The following BIVM variants were observed in gnomAD, a reference collection of about 807,000 sequenced individuals.
BIVM encodes basic, immunoglobulin-like variable motif containing, also known as basic immunoglobulin-like variable motif-containing protein.
BIVM carries 31 observed loss-of-function variants against 61.4 expected under a neutral mutation model. The observed-to-expected ratio is 0.51, with a 90% CI of 0.38 to 0.68. The LOEUF is 0.68. BIVM is among the 30% of genes least tolerant of loss of function. The probability of loss-of-function intolerance (pLI) is 0.00; values close to 1 mark genes in which losing one functional copy is unlikely to be tolerated. For missense variants in BIVM, 526 were observed against 596.0 expected (o/e 0.88, Z 1.22); for synonymous variants, 189 against 210.7 (o/e 0.90, Z 0.89).
intron 8 of BIVM, among the ~76,000 whole-genome samples, chr13:102,832,044 C>G (rs1395071833): frequency 6.6e-6 from 1 of 151,962 alleles, no homozygotes; most frequent in Non-Finnish European, 1.5e-5. Context: ...GGAGGCTTGG[C>G]CATCTGCTTT....
At chr13:102,821,321 C>T (rs1880262151) in intron 5 of BIVM, among the ~76,000 whole-genome samples, 189 bp downstream of exon 5, 1 of 152,128 alleles carries the variant, frequency 6.6e-6, no homozygotes, top group African/African-American at 2.4e-5. Context: ...GGGCTGGGTA[C>T]AGTGGCCCAC....
intron 4 of BIVM, among the ~76,000 whole-genome samples, chr13:102,817,992 A>T (rs919819847): frequency 2.0e-5 from 3 of 152,202 alleles, no homozygotes; most frequent in African/African-American, 7.2e-5. Context: ...TGAGGGGACT[A>T]AACAGAAAAA....
intron 1 of BIVM, among the ~76,000 whole-genome samples, chr13:102,804,321 T>C (rs1208367292): frequency 6.6e-6 from 1 of 151,306 alleles, no homozygotes; most frequent in Non-Finnish European, 1.5e-5. Context: ...AATTTTTATC[T>C]TTTTTTTGAG....
chr13:102,831,460 C>A, intron 7 of BIVM, 105 bp from the exon 8 acceptor site: 1 of 1,505,690 alleles, frequency 6.6e-7, no homozygotes, highest in Non-Finnish European at 8.9e-7. Context: ...TCAGTGTATT[C>A]CAAGTAATGT....
Position 102,841,362 on chromosome 13 carries a change from A to G in BIVM, c.*1497A>G, listed in dbSNP as rs1427728618. 2 of 152,604 alleles carry G rather than the reference A, an allele frequency of 1.3e-5. No homozygotes were observed. Among genetic ancestry groups the G allele is most frequent in the Non-Finnish European group, 2.9e-5 (2 of 68,036 alleles). The allele number at this position is 152,604 out of a possible 1,614,324, so 9.5% of individuals were successfully genotyped here. A position where few individuals can be genotyped will look rare whatever the true frequency, so the allele number is the denominator to read the frequency against. On this transcript the variant is annotated 3_prime_UTR_variant, in exon 11 of 11. Transcript: ENST00000257336. Reference sequence around the variant, plus strand: ...TTTATATCCGTTTGTTCACTCGTACATGCCTAGCCTACAGAAGGGGATATA... The same window carrying G: ...TTTATATCCGTTTGTTCACTCGTACGTGCCTAGCCTACAGAAGGGGATATA...
At chr13:102,814,869 C>T (rs1879755903) in intron 3 of BIVM, among the ~76,000 whole-genome samples, 1 of 152,070 alleles carries the variant, frequency 6.6e-6, no homozygotes, top group South Asian at 2.1e-4. Context: ...CATAGTGAGA[C>T]CCTGACTTTG....
At chr13:102,837,016 G>A (rs904777725) in intron 9 of BIVM, among the ~76,000 whole-genome samples, 6 of 152,042 alleles carry the variant, frequency 3.9e-5, no homozygotes, top group Non-Finnish European at 5.9e-5. Flanking sequence ...GGCTGGGCGC[G>A]GTGGCTCATG....
In BIVM at chr13:102,841,355, C is replaced by T. The variant is rs1378261629; in HGVS notation, c.*1490C>T. On this transcript the variant is annotated 3_prime_UTR_variant, in exon 11 of 11. Coordinates refer to ENST00000257336, the MANE Select transcript of BIVM (RefSeq NM_017693.4). ...CTTGAATTTTATATCCGTTTGTTCA[C>T]TCGTACATGCCTAGCCTACAGAAGG... 3 of 152,520 alleles carry T rather than the reference C, an allele frequency of 2.0e-5. No homozygotes were observed. The highest frequency in any genetic ancestry group is 1.3e-4 in the Admixed American group (2 of 15,268). The allele number at this position is 152,520 out of a possible 1,614,324, so 9.4% of individuals were successfully genotyped here.
chr13:102,834,417 A>T (rs1194836915), intron 8 of BIVM, 49 bp from the exon 9 acceptor site: 2 of 1,530,736 alleles, frequency 1.3e-6, no homozygotes, highest in Non-Finnish European at 1.8e-6. Context: ...GAAGCAATAT[A>T]CTCAAGGGAG....
intron 2 of BIVM, among the ~76,000 whole-genome samples, chr13:102,806,259 T>C (rs1879072165): frequency 6.6e-6 from 1 of 152,214 alleles, no homozygotes; most frequent in Admixed American, 6.5e-5. Flanking sequence ...TGGCCATTTA[T>C]TTTTATTTTT....
chr13:102,817,063 T>C (rs1879915456), intron 4 of BIVM, among the ~76,000 whole-genome samples: 1 of 152,198 alleles, frequency 6.6e-6, no homozygotes, highest in South Asian at 2.1e-4. Flanking sequence ...CATCTGTTTG[T>C]TCAAAGTGGG....
At chr13:102,820,219 G>A (rs1036977992) in intron 4 of BIVM, among the ~76,000 whole-genome samples, 1 of 151,956 alleles carries the variant, frequency 6.6e-6, no homozygotes, top group Non-Finnish European at 1.5e-5. Flanking sequence ...GGTTGTGGTG[G>A]CGCACGCCTG....
In BIVM at chr13:102,799,200, G is replaced by C. The variant is rs1878579595; in HGVS notation, c.-528G>C. On this transcript the variant is annotated 5_prime_UTR_variant, in exon 1 of 11. Transcript: ENST00000257336. ...TATTTACTTCTCGGTCACCGCTTTCGGGGGACAGATAAACACCACAGATGC... is the reference window on the plus strand; with the variant it reads ...TATTTACTTCTCGGTCACCGCTTTCCGGGGACAGATAAACACCACAGATGC... The C allele has an allele frequency of 5.5e-6, 2 of 364,554 alleles. No individual in the cohort carries two copies. Among genetic ancestry groups the C allele is most frequent in the Non-Finnish European group, 9.7e-6 (2 of 205,284 alleles). 22.6% of individuals were successfully genotyped at this position (364,554 alleles called of 1,614,324 possible). A position where few individuals can be genotyped will look rare whatever the true frequency, so the allele number is the denominator to read the frequency against.
Position 102,807,165 on chromosome 13 carries a change from C to G in BIVM, c.-103C>G. ...TCTTAGGAGCTCATTTTGCAGCTCTCAAGCTTTTATAGCATGCTGTAAACA... is the reference window on the plus strand; with the variant it reads ...TCTTAGGAGCTCATTTTGCAGCTCTGAAGCTTTTATAGCATGCTGTAAACA... On this transcript the variant is annotated 5_prime_UTR_variant, in exon 3 of 11. Coordinates refer to ENST00000257336, the MANE Select transcript of BIVM (RefSeq NM_017693.4). This position sits in a 1 kb window ranked among gnomAD's most constrained non-coding sequence, Gnocchi z 4.0. 3.1e-6 allele frequency: 4 copies of G among 1,292,138 alleles called. No individual in the cohort carries two copies. Among genetic ancestry groups the G allele is most frequent in the Non-Finnish European group, 4.2e-6 (4 of 954,584 alleles). 80.0% of individuals were successfully genotyped at this position (1,292,138 alleles called of 1,614,324 possible).
rs1437143378 is a variant in BIVM, at chr13:102,839,779, G to A, written c.1426G>A (p.Asp476Asn). The change falls in exon 11 of 11, where the codon GAC becomes AAC. Residue 476 changes from aspartate to asparagine, a missense_variant. By Grantham distance (23) the Asp-to-Asn change is conservative (BLOSUM62 1). Transcript: ENST00000257336. ...GTCTTTCAGTGCTAGTTTCCATCAG[G>A]ACTCGGCATGGAAAAAGATGTCTAG... is the stretch of plus-strand genomic sequence containing the variant. ...GRSFSASFHQ[D>N]SAWKKMSSIH... 1 of 1,614,148 alleles carries A rather than the reference G, an allele frequency of 6.2e-7. No individual in the cohort carries two copies. The highest frequency in any genetic ancestry group is 2.2e-5 in the East Asian group (1 of 44,878).
At position 102,835,024 on chromosome 13, in the gene BIVM, G is replaced by A. The variant is rs113456341; in HGVS notation, c.1121+472G>A. 8.2e-3 allele frequency among the ~76,000 whole-genome samples: 1,242 copies of A among 152,188 alleles called. 18 individuals carry two copies. The highest frequency in any genetic ancestry group is 0.028 in the African/African-American group (1,149 of 41,516). On this transcript the variant is annotated intron_variant, in intron 9 of 10. Transcript: ENST00000257336. ...CAATGAAGCTCTTGGGAACATTCAT[G>A]TACAAGCCTTGAAACAAATTATATA...
chr13:102,835,095 C>A (rs892820553), intron 9 of BIVM, among the ~76,000 whole-genome samples: 1 of 151,974 alleles, frequency 6.6e-6, no homozygotes, highest in African/African-American at 2.4e-5. Flanking sequence ...GTTCACTGCA[C>A]CCACCATGCG....
rs557873000 is a variant in BIVM, at chr13:102,811,244, C to T, written c.478+3499C>T. Among the ~76,000 whole-genome samples, 11 of 152,306 alleles carry T rather than the reference C, an allele frequency of 7.2e-5. No homozygotes were observed. In the South Asian group the frequency reaches 2.1e-3, roughly 29 times the overall value. On this transcript the variant is annotated intron_variant, in intron 3 of 10. Coordinates refer to ENST00000257336, the MANE Select transcript of BIVM (RefSeq NM_017693.4). ...TTTCAACCAGCAGGAATCCTTTTAG[C>T]ATTCCTTACAGGGCAAGTCTAGTGG...
chr13:102,838,801 T>G lies in BIVM; in HGVS notation c.1218+62T>G. The stretch of plus-strand genomic sequence containing the variant: ...AGCTGACCAAAATGTGGTGTTTTAC[T>G]TAGCACTCTTTAGGTTGCAAGTAAC... On this transcript the variant is annotated intron_variant, in intron 10 of 10. Transcript: ENST00000257336. The G allele has an allele frequency of 4.8e-6, 7 of 1,457,940 alleles. No homozygotes were observed. In the South Asian group the frequency reaches 8.8e-5, roughly 18 times the overall value. The allele number at this position is 1,457,940 out of a possible 1,614,324, so 90.3% of individuals were successfully genotyped here.
Sources: allele counts gnomAD v4.1 joint callset (sites outside exome capture counted in the v4.1 genomes callset), GRCh38; gene constraint gnomAD v4.1.1; non-coding constraint Gnocchi (gnomAD v3.1); transcripts MANE v1.5; gene names NCBI Gene and HGNC (gene_info 2026-07-23, HGNC 2026-07-21).